Variants in SOX5 observed in about 807,000 individuals in gnomAD.
SOX5 encodes transcription factor SOX-5.
A neutral mutation model predicts 92.0 loss-of-function variants in SOX5; 9 were observed. That is an observed-to-expected ratio of 0.10 (90% CI 0.06 to 0.17). SOX5 has a LOEUF of 0.17. SOX5 is among the 10% of genes least tolerant of loss of function. The pLI is 1.00. For missense variants in SOX5, 642 were observed against 944.5 expected (o/e 0.68, Z 4.20); for synonymous variants, 344 against 336.3 (o/e 1.02, Z -0.25).
intron 9 of SOX5, among the ~76,000 whole-genome samples, chr12:23,601,905 T>C (rs546313091): frequency 4.5e-4 from 68 of 152,300 alleles, no homozygotes; most frequent in South Asian, 1.2e-3. Context: ...GTGGACAGTA[T>C]GCTAGAGGGC....
rs1458678452 is a variant in SOX5 at position 23,759,024 on chromosome 12, CACACAG to C, written c.482-3306_482-3301del. Among the ~76,000 whole-genome samples the C allele has an allele frequency of 9.8e-3, 642 of 65,420 alleles. 1 individual carries two copies. Among genetic ancestry groups the C allele is most frequent in the African/African-American group, 0.024 (522 of 21,314 alleles). The allele number at this position is 65,420 out of a possible 152,430, so 42.9% of individuals were successfully genotyped here. The stretch of plus-strand genomic sequence containing the variant: ...TGGCAACACAAAACACACACACACA[CACACAG>C]ACACACACACACACACACACACACA... On this transcript the variant is annotated intron_variant, in intron 3 of 14. Transcript: ENST00000451604.
At chr12:24,109,219 T>A (rs1947040767) in intron 4 of SOX5, among the ~76,000 whole-genome samples, 1 of 152,152 alleles carries the variant, frequency 6.6e-6, no homozygotes, top group South Asian at 2.1e-4. Flanking sequence ...TCACTTGCTA[T>A]TCTTGCTTTA....
At chr12:24,051,695 G>A (rs1237773713) in intron 4 of SOX5, among the ~76,000 whole-genome samples, 1 of 152,116 alleles carries the variant, frequency 6.6e-6, no homozygotes, top group Non-Finnish European at 1.5e-5. Context: ...GCCTTCTAAG[G>A]GAGATTATTT....
chr12:23,979,938 T>TAGAC (rs1442752570), intron 4 of SOX5, among the ~76,000 whole-genome samples: 6 of 113,550 alleles, frequency 5.3e-5, no homozygotes, highest in South Asian at 2.7e-4. Context: ...GACAGACAGA[T>TAGAC]AGATAGATAG....
intron 1 of SOX5, among the ~76,000 whole-genome samples, chr12:23,920,967 GA>G: frequency 6.6e-6 from 1 of 152,254 alleles, no homozygotes; most frequent in East Asian, 1.9e-4. Flanking sequence ...TTATGAGACA[GA>G]GATCATGTAT....
At chr12:24,469,315 G>A (rs981350497) in intron 1 of SOX5, among the ~76,000 whole-genome samples, 11 of 152,166 alleles carry the variant, frequency 7.2e-5, no homozygotes, top group African/African-American at 2.4e-4. Flanking sequence ...CTCACCTCCT[G>A]CTGCGTGGCC....
chr12:23,744,956 G>A (rs745389360), intron 4 of SOX5, among the ~76,000 whole-genome samples: 2 of 152,118 alleles, frequency 1.3e-5, no homozygotes, highest in African/African-American at 2.4e-5. Context: ...GTCTCGGTCT[G>A]TACATACCCA....
intron 1 of SOX5, among the ~76,000 whole-genome samples, chr12:24,486,256 A>G (rs1360795800): frequency 1.3e-5 from 2 of 151,932 alleles, no homozygotes; most frequent in East Asian, 1.9e-4. Flanking sequence ...TTCAGTAGAT[A>G]ATGTGAAACT....
At chr12:23,835,784 A>G (rs1026338120) in intron 3 of SOX5, among the ~76,000 whole-genome samples, 3 of 151,796 alleles carry the variant, frequency 2.0e-5, no homozygotes, top group African/African-American at 4.8e-5. Flanking sequence ...AGCAATAAGT[A>G]TTGGTTAAGG....
chr12:23,968,504 G>T lies in SOX5; in HGVS notation c.-1-72480C>A, dbSNP rs117542567. Among the ~76,000 whole-genome samples, 825 of 152,230 alleles carry T rather than the reference G, an allele frequency of 5.4e-3. 21 individuals are homozygous for T. The highest frequency in any genetic ancestry group is 0.026 in the East Asian group (136 of 5,172). On this transcript the variant is annotated intron_variant, in intron 4 of 4. Coordinates refer to the SOX5 transcript ENST00000446891. ...TCGTGGGAGTGGGTTTGTTATCACGGGAGTGGGTTTCTTATCAAAGGACAA... is the reference window on the plus strand; with the variant it reads ...TCGTGGGAGTGGGTTTGTTATCACGTGAGTGGGTTTCTTATCAAAGGACAA...
chr12:24,027,256 T>C (rs1954985405), intron 4 of SOX5, among the ~76,000 whole-genome samples: 1 of 151,902 alleles, frequency 6.6e-6, no homozygotes, highest in Non-Finnish European at 1.5e-5. Context: ...TGTTAATTAC[T>C]CCAATGACTT....
chr12:24,408,126 C>T (rs1402363604), intron 1 of SOX5, among the ~76,000 whole-genome samples: 4 of 152,046 alleles, frequency 2.6e-5, no homozygotes, highest in East Asian at 1.9e-4. Flanking sequence ...GCTTGCTAAG[C>T]GTGTCCAGGA....
At chr12:24,352,973 G>A (rs1319960239) in intron 2 of SOX5, among the ~76,000 whole-genome samples, 2 of 152,190 alleles carry the variant, frequency 1.3e-5, no homozygotes, top group East Asian at 1.9e-4. Context: ...TGTCTAGAAT[G>A]GGGCTCATGA....
chr12:23,618,106 G>A (rs1382875758), intron 8 of SOX5, among the ~76,000 whole-genome samples: 3 of 152,128 alleles, frequency 2.0e-5, no homozygotes, highest in Non-Finnish European at 4.4e-5. Context: ...TCTCCATCTG[G>A]CAAGGTAAGA....
intron 2 of SOX5, among the ~76,000 whole-genome samples, chr12:23,889,648 T>C (rs2097108000): frequency 6.6e-6 from 1 of 152,194 alleles, no homozygotes; most frequent in Admixed American, 6.5e-5. Context: ...AGGCTTGCTA[T>C]AATGTTATAC....
At chr12:23,551,351 TG>T in intron 11 of SOX5, among the ~76,000 whole-genome samples, 1 of 151,990 alleles carries the variant, frequency 6.6e-6, no homozygotes, top group East Asian at 1.9e-4. Flanking sequence ...ATAAGGCGCA[TG>T]TCCACTCTTT....
intron 4 of SOX5, among the ~76,000 whole-genome samples, chr12:24,160,390 G>C (rs1474730943): frequency 6.6e-6 from 1 of 151,954 alleles, no homozygotes; most frequent in African/African-American, 2.4e-5. Context: ...GGAGGATAGG[G>C]GAGGTTGGAG....
chr12:24,523,238 T>C (rs1950409567), intron 1 of SOX5, among the ~76,000 whole-genome samples: 1 of 151,874 alleles, frequency 6.6e-6, no homozygotes, highest in African/African-American at 2.4e-5. Flanking sequence ...TGAAAGAAAT[T>C]AAAGAAATGA....
chr12:23,951,882 T>G (rs568005423), upstream of SOX5, among the ~76,000 whole-genome samples: 8 of 152,294 alleles, frequency 5.3e-5, no homozygotes, highest in Admixed American at 6.5e-5. Flanking sequence ...TTATTTTTTG[T>G]TACAGCAACA....
Sources: gnomAD v4.1 joint callset for allele counts (sites outside exome capture counted in the v4.1 genomes callset) on GRCh38, gnomAD v4.1.1 for gene constraint, MANE v1.5 for transcripts, NCBI Gene and HGNC (gene_info 2026-07-23, HGNC 2026-07-21) for gene names.